Variants in PARP11 observed in about 807,000 individuals in gnomAD.
PARP11 encodes the protein poly(ADP-ribose) polymerase family member 11.
In PARP11, 31 loss-of-function variants were observed where a neutral mutation model predicts 42.9. The ratio of observed to expected loss-of-function variants is 0.72; its 90% CI spans 0.54 to 0.98. The LOEUF is 0.98. Among genes scored for constraint, PARP11 ranks in the 50% least tolerant of loss-of-function variants. The pLI is 0.00. For synonymous variants in PARP11, 137 were observed against 127.3 expected (o/e 1.08, Z -0.51); for missense variants, 365 against 413.1 (o/e 0.88, Z 1.01).
intron 6 of PARP11, among the ~76,000 whole-genome samples, chr12:3,814,402 A>C (rs1272035394): frequency 2.0e-5 from 3 of 152,220 alleles, no homozygotes; most frequent in African/African-American, 7.2e-5. Flanking sequence ...TAACACTGAA[A>C]CTTAAGGTTG....
rs1469788157 is a variant in PARP11 at position 3,861,568 on chromosome 12, G to A, written c.18+11644C>T. On this transcript the variant is annotated intron_variant, in intron 1 of 7. Coordinates refer to ENST00000228820, the MANE Select transcript of PARP11 (RefSeq NM_020367.6). This position sits in a 1 kb window ranked among gnomAD's most constrained non-coding sequence, Gnocchi z 4.6. ...AGTTCTTAATATATTCTATGTACAAGTCATTTATCAGATATATGCTTTTTA... is the reference window on the plus strand; with the variant it reads ...AGTTCTTAATATATTCTATGTACAAATCATTTATCAGATATATGCTTTTTA... Among the ~76,000 whole-genome samples the A allele has an allele frequency of 1.3e-5, 2 of 152,088 alleles. No individual in the cohort carries two copies. The highest frequency in any genetic ancestry group is 2.4e-5 in the African/African-American group (1 of 41,394).
At chr12:3,865,616 T>C (rs1948376850) in intron 1 of PARP11, among the ~76,000 whole-genome samples, 1 of 152,178 alleles carries the variant, frequency 6.6e-6, no homozygotes, top group Non-Finnish European at 1.5e-5. Flanking sequence ...TCTTTATCCT[T>C]GATAATATCA....
intron 4 of PARP11, among the ~76,000 whole-genome samples, chr12:3,825,860 G>T (rs1403723483): frequency 6.6e-6 from 1 of 152,004 alleles, no homozygotes; most frequent in African/African-American, 2.4e-5. Flanking sequence ...CCGAGTAGCT[G>T]GGACCACAGG....
rs984503346 is a variant in PARP11 at position 3,842,017 on chromosome 12, G to T, written c.19-11999C>A. 7 of 1,611,248 alleles carry T rather than the reference G, an allele frequency of 4.3e-6. No homozygotes were observed. In the African/African-American group the frequency reaches 8.0e-5, roughly 18 times the overall value. On this transcript the variant is annotated intron_variant, in intron 1 of 7. Coordinates refer to ENST00000228820, the MANE Select transcript of PARP11 (RefSeq NM_020367.6). ...TTCCCAGACACGAAAGGCAGATATGGCATTGGCTTCCATCCCTCCTGTAGC... is the reference window on the plus strand; with the variant it reads ...TTCCCAGACACGAAAGGCAGATATGTCATTGGCTTCCATCCCTCCTGTAGC...
intron 2 of PARP11, 98 bp downstream of exon 2, chr12:3,829,792 G>T: frequency 1.7e-6 from 2 of 1,171,480 alleles, no homozygotes; most frequent in South Asian, 1.7e-5. Context: ...CTTAAGCTTT[G>T]ACTTCAAGTT....
intron 1 of PARP11, among the ~76,000 whole-genome samples, chr12:3,859,206 T>C (rs571709166): frequency 1.6e-4 from 25 of 152,300 alleles, no homozygotes; most frequent in African/African-American, 5.8e-4. Flanking sequence ...ATCTCCAAGA[T>C]ACATTATTAT....
intron 1 of PARP11, among the ~76,000 whole-genome samples, chr12:3,853,133 A>G (rs1948126789): frequency 1.3e-5 from 2 of 152,226 alleles, no homozygotes; most frequent in Non-Finnish European, 2.9e-5. Flanking sequence ...TCCTGAAGGA[A>G]GCACTAAACA....
At chr12:3,834,360 T>C (rs2138055558) in intron 1 of PARP11, among the ~76,000 whole-genome samples, 1 of 152,124 alleles carries the variant, frequency 6.6e-6, no homozygotes, top group Admixed American at 6.5e-5. Flanking sequence ...GGGCCGGGTG[T>C]GGTGGTTCAT....
chr12:3,873,012 A>T (rs918237401), intron 1 of PARP11, among the ~76,000 whole-genome samples, 200 bp downstream of exon 1: 1 of 152,242 alleles, frequency 6.6e-6, no homozygotes, highest in East Asian at 1.9e-4. Flanking sequence ...GAAAACAATA[A>T]AGCATTGGAG....
At chr12:3,841,445 A>G in intron 1 of PARP11, 4 of 1,354,370 alleles carry the variant, frequency 3.0e-6, no homozygotes, top group Non-Finnish European at 4.2e-6. Flanking sequence ...GCCCAGAATT[A>G]AAGTGATTGT....
intron 1 of PARP11, among the ~76,000 whole-genome samples, chr12:3,857,118 G>A (rs1416910293): frequency 6.6e-6 from 1 of 151,358 alleles, no homozygotes; most frequent in Non-Finnish European, 1.5e-5. Context: ...CACACACCAG[G>A]GCCTGTCGGG....
At chr12:3,832,667 T>C (rs1947669087) in intron 1 of PARP11, among the ~76,000 whole-genome samples, 1 of 152,254 alleles carries the variant, frequency 6.6e-6, no homozygotes, top group Admixed American at 6.5e-5. Flanking sequence ...CAAATTTAAA[T>C]TAATAACTTT....
chr12:3,822,327 G>A lies in PARP11; in HGVS notation c.345-170C>T, dbSNP rs577182083. ...AAATTATTGACTGTCGGCCGGGCGC[G>A]GTGGCTCACGCCTGTAATCCCAGCA... On this transcript the variant is annotated intron_variant, in intron 4 of 7. Coordinates refer to ENST00000228820, the MANE Select transcript of PARP11 (RefSeq NM_020367.6). 4.6e-5 allele frequency among the ~76,000 whole-genome samples: 7 copies of A among 152,094 alleles called. No individual in the cohort carries two copies. The East Asian group carries it at 1.2e-3, about 25-fold the overall frequency.
chr12:3,844,440 G>C (rs1442234523), intron 1 of PARP11, among the ~76,000 whole-genome samples: 1 of 152,058 alleles, frequency 6.6e-6, no homozygotes, highest in Non-Finnish European at 1.5e-5. Context: ...TTTTTTTGTA[G>C]GACTAGCTTA....
intron 6 of PARP11, among the ~76,000 whole-genome samples, chr12:3,814,455 A>G (rs575010568): frequency 6.6e-6 from 1 of 152,342 alleles, no homozygotes; most frequent in Non-Finnish European, 1.5e-5. Flanking sequence ...CTATGCCCCA[A>G]TATCATAAAG....
chr12:3,839,988 C>T, intron 1 of PARP11: 1 of 1,542,524 alleles, frequency 6.5e-7, no homozygotes, highest in African/African-American at 1.4e-5. Flanking sequence ...TGTCAGGCAA[C>T]GAGCAGCTGA....
intron 1 of PARP11, chr12:3,832,104 A>G: frequency 1.0e-6 from 1 of 967,602 alleles, no homozygotes; most frequent in Non-Finnish European, 1.2e-6. Context: ...TCCGCTATAA[A>G]ACACCTTACC....
intron 1 of PARP11, chr12:3,839,372 C>T (rs1947840812): frequency 6.5e-7 from 1 of 1,546,864 alleles, no homozygotes; most frequent in Non-Finnish European, 8.7e-7. Context: ...GACGCGACGC[C>T]CATGGACGCC....
intron 1 of PARP11, among the ~76,000 whole-genome samples, chr12:3,837,861 G>T (rs975340800): frequency 6.6e-6 from 1 of 151,414 alleles, no homozygotes; most frequent in African/African-American, 2.4e-5. Context: ...GATAAAGAAG[G>T]TCAATAAATA....
Sources: gnomAD v4.1 joint callset for allele counts (sites outside exome capture counted in the v4.1 genomes callset) on GRCh38, gnomAD v4.1.1 for gene constraint, Gnocchi (gnomAD v3.1) non-coding constraint, MANE v1.5 for transcripts, NCBI Gene and HGNC (gene_info 2026-07-23, HGNC 2026-07-21) for gene names.